Variants in KLF12 observed in about 807,000 individuals in gnomAD.
KLF12 encodes the protein Krueppel-like factor 12.
Under a neutral mutation model 37.8 loss-of-function variants are expected in KLF12, and 9 were observed. The ratio of observed to expected loss-of-function variants is 0.24; its 90% CI spans 0.14 to 0.42. The LOEUF is 0.42. Ranked by LOEUF, KLF12 falls within the 10% of genes least tolerant of loss-of-function variation. The probability of loss-of-function intolerance (pLI) is 1.00; values close to 1 mark genes in which losing one functional copy is unlikely to be tolerated. For missense variants in KLF12, 411 were observed against 516.0 expected, an observed-to-expected ratio of 0.80 and a Z score of 1.97; for synonymous variants, 208 against 202.1, an observed-to-expected ratio of 1.03 and a Z score of -0.25.
chr13:74,012,690 G>A (rs1892581438), intron 1 of KLF12, among the ~76,000 whole-genome samples: 1 of 152,148 alleles, frequency 6.6e-6, no homozygotes, highest in Non-Finnish European at 1.5e-5. Flanking sequence ...ATTCTTCTGA[G>A]TAAACAAACT....
the KLF12 span, among the ~76,000 whole-genome samples, chr13:74,185,279 A>C: frequency 1.3e-5 from 2 of 152,222 alleles, no homozygotes; most frequent in African/African-American, 2.4e-5. Context: ...TCCTATCCCC[A>C]AATGGTCTTA....
chr13:73,879,207 A>G (rs1187718838), intron 3 of KLF12, among the ~76,000 whole-genome samples: 3 of 152,164 alleles, frequency 2.0e-5, no homozygotes, highest in Non-Finnish European at 4.4e-5. Context: ...ACTGTCTTTC[A>G]CATGGTTTTA....
At chr13:74,241,559 C>G in the KLF12 span, among the ~76,000 whole-genome samples, 1 of 151,836 alleles carries the variant, frequency 6.6e-6, no homozygotes, top group African/African-American at 2.4e-5. Context: ...GCCGCTGCTG[C>G]CTTGCAGTTT....
At chr13:74,129,902 G>T (rs1878168272) in intron 1 of KLF12, among the ~76,000 whole-genome samples, 2 of 152,216 alleles carry the variant, frequency 1.3e-5, no homozygotes. Flanking sequence ...TCCACAGCAT[G>T]TGTTCTCTAC....
rs555229038 is a variant in KLF12, at chr13:73,689,200, C to T, written c.*6290G>A. 6.6e-6 allele frequency: 1 copy of T among 152,214 alleles called. No homozygotes were observed. The highest frequency in any genetic ancestry group is 1.9e-4 in the East Asian group (1 of 5,170). The allele number at this position is 152,214 out of a possible 1,614,324, so 9.4% of individuals were successfully genotyped here. ...TGAGATTAAGGAACCCAGCAGCTTT[C>T]CTTTGACACTTAATTGGTTATTTTA... On this transcript the variant is annotated 3_prime_UTR_variant, in exon 8 of 8. Coordinates refer to ENST00000377669, the MANE Select transcript of KLF12 (RefSeq NM_007249.5).
At chr13:73,764,715 A>T (rs1386678349) in intron 6 of KLF12, among the ~76,000 whole-genome samples, 4 of 152,170 alleles carry the variant, frequency 2.6e-5, no homozygotes, top group Admixed American at 2.6e-4. Flanking sequence ...CTGTCAAAAA[A>T]AAAAGTTACA....
the KLF12 span, among the ~76,000 whole-genome samples, chr13:74,273,570 A>G: frequency 1.3e-5 from 2 of 151,862 alleles, no homozygotes; most frequent in Middle Eastern, 6.3e-3. Flanking sequence ...TGTGCTTAAT[A>G]TTTGCTGTAA....
chr13:74,253,990 A>G, the KLF12 span, among the ~76,000 whole-genome samples: 56 of 152,112 alleles, frequency 3.7e-4, no homozygotes, highest in African/African-American at 1.3e-3. Flanking sequence ...ATGTTTATCA[A>G]TTTCTCTCTT....
At chr13:73,792,559 T>G (rs1355371408) in intron 5 of KLF12, among the ~76,000 whole-genome samples, 4 of 152,146 alleles carry the variant, frequency 2.6e-5, no homozygotes, top group African/African-American at 9.6e-5. Flanking sequence ...GGTGGAAAAG[T>G]ACTAAAATAA....
At chr13:74,212,891 A>G in the KLF12 span, among the ~76,000 whole-genome samples, 2 of 152,162 alleles carry the variant, frequency 1.3e-5, no homozygotes, top group East Asian at 1.9e-4. Flanking sequence ...AAGTTTATTA[A>G]CAAAGATGGA....
chr13:73,704,183 CAT>C (rs1874757022), intron 7 of KLF12, among the ~76,000 whole-genome samples: 1 of 152,122 alleles, frequency 6.6e-6, no homozygotes, highest in Admixed American at 6.6e-5. Context: ...CCTCTTGGCT[CAT>C]ATGTCTTCCA....
intron 1 of KLF12, among the ~76,000 whole-genome samples, chr13:74,043,431 A>T (rs1893461624): frequency 1.3e-5 from 2 of 152,228 alleles, no homozygotes; most frequent in African/African-American, 4.8e-5. Flanking sequence ...CAAACATGTA[A>T]CAGGCCCCAG....
chr13:73,918,158 C>G (rs887135016), intron 3 of KLF12, among the ~76,000 whole-genome samples: 1 of 152,064 alleles, frequency 6.6e-6, no homozygotes, highest in African/African-American at 2.4e-5. Flanking sequence ...CCTGCCCACA[C>G]TCACAAAACT....
intron 1 of KLF12, among the ~76,000 whole-genome samples, chr13:74,075,875 T>A (rs1175507706): frequency 3.3e-5 from 5 of 152,164 alleles, no homozygotes; most frequent in Non-Finnish European, 7.4e-5. Context: ...TCTAAATGGC[T>A]GAGAAATAAT....
the KLF12 span, among the ~76,000 whole-genome samples, chr13:74,218,863 CAG>C: frequency 6.6e-6 from 1 of 151,952 alleles, no homozygotes; most frequent in Non-Finnish European, 1.5e-5. Context: ...ACAAATAAAA[CAG>C]AGAATATGAA....
At chr13:74,251,434 C>T in the KLF12 span, among the ~76,000 whole-genome samples, 27 of 152,270 alleles carry the variant, frequency 1.8e-4, 1 homozygote, top group South Asian at 5.6e-3. Flanking sequence ...GCATGAGCCA[C>T]CACACCCAGC....
At chr13:73,853,151 G>A (rs1321246798) in intron 3 of KLF12, among the ~76,000 whole-genome samples, 5 of 152,134 alleles carry the variant, frequency 3.3e-5, no homozygotes, top group African/African-American at 1.2e-4. Flanking sequence ...ACAGGCGTGA[G>A]CCTACATTTT....
intron 1 of KLF12, among the ~76,000 whole-genome samples, chr13:74,004,635 G>A (rs1397691343): frequency 6.6e-6 from 1 of 152,000 alleles, no homozygotes; most frequent in Non-Finnish European, 1.5e-5. Flanking sequence ...CCCTCAAGCA[G>A]TTTAAAATAA....
chr13:74,006,983 T>C (rs1892424921), intron 1 of KLF12, among the ~76,000 whole-genome samples: 1 of 152,094 alleles, frequency 6.6e-6, no homozygotes, highest in South Asian at 2.1e-4. Flanking sequence ...TTCCAGTACG[T>C]CTCAATTTAC....
Sources: allele counts gnomAD v4.1 joint callset (sites outside exome capture counted in the v4.1 genomes callset), GRCh38; gene constraint gnomAD v4.1.1; transcripts MANE v1.5; gene names NCBI Gene and HGNC (gene_info 2026-07-23, HGNC 2026-07-21).